Variants in OPTC observed in about 807,000 individuals in gnomAD.
The protein encoded by OPTC is oculoglycan.
Under a neutral mutation model 25.4 loss-of-function variants are expected in OPTC, and 22 were observed. The observed-to-expected ratio is 0.87, with a 90% CI of 0.62 to 1.24. The LOEUF (loss-of-function observed/expected upper bound fraction) is 1.24. Among genes scored for constraint, OPTC ranks in the 50% most tolerant of loss-of-function variants. The pLI is 0.00. For synonymous variants in OPTC, 169 were observed against 179.3 expected (o/e 0.94, Z 0.46); for missense variants, 417 against 425.2 (o/e 0.98, Z 0.17).
chr1:203,508,296 T>C (rs1661530674), intron 7 of OPTC, among the ~76,000 whole-genome samples: 2 of 152,026 alleles, frequency 1.3e-5, no homozygotes, highest in South Asian at 4.1e-4. Flanking sequence ...TCACCCAGGC[T>C]AGAAAAAGGG....
chr1:203,506,145 C>CT lies in OPTC; in HGVS notation c.*25+2406dup, dbSNP rs78639556. On this transcript the variant is annotated intron_variant, in intron 7 of 7. Coordinates refer to ENST00000367222, the MANE Select transcript of OPTC (RefSeq NM_014359.4). ...ATCCTGGATTGAGGAATCCAATTTT[C>CT]TTTTTTCTTTTTTTTTTTTTTTTGA... is the stretch of plus-strand genomic sequence containing the variant. Among the ~76,000 whole-genome samples the CT allele has an allele frequency of 4.3e-3, 383 of 89,440 alleles. 3 individuals are homozygous for CT. The highest frequency in any genetic ancestry group is 7.2e-3 in the East Asian group (25 of 3,452). 58.7% of individuals were successfully genotyped at this position (89,440 alleles called of 152,430 possible).
intron 7 of OPTC, among the ~76,000 whole-genome samples, chr1:203,505,420 A>G (rs780758856): frequency 2.1e-4 from 32 of 152,212 alleles, no homozygotes; most frequent in Admixed American, 1.2e-3. Flanking sequence ...TAGCCAGGCA[A>G]TGAGTTGCCA....
chr1:203,498,664 T>A lies in OPTC; in HGVS notation c.371-17T>A. ...GCTAAAGAGATCTCCCTTTGTTCTG[T>A]CTTCCACCTGGGCCAGGTCTGCCCA... On this transcript the variant is annotated splice_polypyrimidine_tract_variant and intron_variant, in intron 3 of 7. Transcript: ENST00000367222. 3.1e-6 allele frequency: 5 copies of A among 1,614,140 alleles called. No homozygotes were observed. The highest frequency in any genetic ancestry group is 4.2e-6 in the Non-Finnish European group (5 of 1,180,022).
In OPTC at chr1:203,495,922, C is replaced by T. The variant is rs1026588578; in HGVS notation, c.-41-43C>T. 6.8e-6 allele frequency: 6 copies of T among 885,014 alleles called. No individual in the cohort carries two copies. The African/African-American group carries it at 8.3e-5, about 12-fold the overall frequency. 54.8% of individuals were successfully genotyped at this position (885,014 alleles called of 1,614,324 possible). On this transcript the variant is annotated intron_variant, in intron 1 of 7. Coordinates refer to ENST00000367222, the MANE Select transcript of OPTC (RefSeq NM_014359.4). The stretch of plus-strand genomic sequence containing the variant: ...GCCATTCCCACAACACTCTGGAGAG[C>T]CTGTCCCTCAGATCGCTGCCCTTCC...
chr1:203,495,850 G>A (rs1237916897), intron 1 of OPTC, 115 bp from the exon 2 acceptor site: 3 of 675,402 alleles, frequency 4.4e-6, no homozygotes, highest in African/African-American at 1.8e-5. Context: ...TGTGATGAGA[G>A]CACTGAGTCT....
Position 203,499,733 on chromosome 1 carries a change from A to T in OPTC, c.614A>T (p.Asp205Val), listed in dbSNP as rs1232534179. ...DAFRLLHALQ[D>V]LILPENQLEA... Reference sequence around the variant, plus strand: ...TTCCGCCTGCTACATGCCCTCCAGGACCTCATCCTCCCAGAGAACCAGTTG... The same window carrying T: ...TTCCGCCTGCTACATGCCCTCCAGGTCCTCATCCTCCCAGAGAACCAGTTG... The change falls in exon 5 of 8, where the codon GAC (aspartate) becomes GTC (valine). Residue 205 changes from aspartate to valine, a missense_variant. Transcript: ENST00000367222. 1 of 1,613,140 alleles carries T rather than the reference A, an allele frequency of 6.2e-7. No homozygotes were observed. The highest frequency in any genetic ancestry group is 2.2e-5 in the East Asian group (1 of 44,884).
At chr1:203,498,071 A>G (rs559705560) in intron 3 of OPTC, among the ~76,000 whole-genome samples, 6 of 152,236 alleles carry the variant, frequency 3.9e-5, no homozygotes, top group Non-Finnish European at 5.9e-5. Flanking sequence ...AGTCTCCCCA[A>G]CTACTTGGGG....
chr1:203,501,361 G>A (rs370367591), intron 5 of OPTC, among the ~76,000 whole-genome samples: 10 of 152,120 alleles, frequency 6.6e-5, no homozygotes, highest in African/African-American at 1.9e-4. Context: ...TTGGCCTCCC[G>A]AAGAGCTGGG....
intron 7 of OPTC, among the ~76,000 whole-genome samples, chr1:203,507,247 C>T (rs1342645164): frequency 6.6e-6 from 1 of 152,130 alleles, no homozygotes; most frequent in East Asian, 1.9e-4. Context: ...CCTCTTTAGC[C>T]AGAGTGAGGC....
At chr1:203,503,493 T>C (rs984079601) in intron 6 of OPTC, 57 bp from the exon 7 acceptor site, 1 of 1,562,788 alleles carries the variant, frequency 6.4e-7, no homozygotes, top group Admixed American at 1.7e-5. Flanking sequence ...GAGCCTTTGG[T>C]GCTGCTTAAG....
chr1:203,503,813 A>G lies in OPTC; in HGVS notation c.*25+68A>G, dbSNP rs2279127. 80,995 of 1,374,288 alleles carry G rather than the reference A, an allele frequency of 0.059. 3,459 individuals carry two copies. Among genetic ancestry groups the G allele is most frequent in the East Asian group, 0.18 (8,022 of 43,616 alleles). 85.1% of individuals were successfully genotyped at this position (1,374,288 alleles called of 1,614,324 possible). On this transcript the variant is annotated intron_variant, in intron 7 of 7. Coordinates refer to ENST00000367222, the MANE Select transcript of OPTC (RefSeq NM_014359.4). The stretch of plus-strand genomic sequence containing the variant: ...ATAAAGCCCAATTCCTTATCTTTAA[A>G]CGGTGATCTTTAGCCCAGGCATTAA...
At chr1:203,498,256 C>G (rs994416417) in intron 3 of OPTC, among the ~76,000 whole-genome samples, 2 of 152,200 alleles carry the variant, frequency 1.3e-5, no homozygotes, top group Non-Finnish European at 2.9e-5. Context: ...TGGAGCCACA[C>G]AGAACATGTC....
Position 203,496,354 on chromosome 1 carries a change from G to A in OPTC, c.231+118G>A, listed in dbSNP as rs1012541947. On this transcript the variant is annotated intron_variant, in intron 2 of 7. Transcript: ENST00000367222. ...CAGCCTCCACCTCTTTCTCTGTGAG[G>A]TGGAAATTCTTATCCCTCCATAGGG... 24 of 746,082 alleles carry A rather than the reference G, an allele frequency of 3.2e-5. No individual in the cohort carries two copies. The South Asian group carries it at 3.2e-4, about 10-fold the overall frequency. The allele number at this position is 746,082 out of a possible 1,614,324, so 46.2% of individuals were successfully genotyped here.
intron 7 of OPTC, among the ~76,000 whole-genome samples, chr1:203,506,050 T>C (rs1201780625): frequency 6.6e-6 from 1 of 152,104 alleles, no homozygotes; most frequent in Non-Finnish European, 1.5e-5. Flanking sequence ...TTCCATATCC[T>C]GCTTTATTGG....
Position 203,497,018 on chromosome 1 carries a change from C to T in OPTC, c.273C>T (p.Pro91=), listed in dbSNP as rs536165537. The T allele has an allele frequency of 1.5e-5, 24 of 1,614,104 alleles. No individual in the cohort carries two copies. Among genetic ancestry groups the T allele is most frequent in the Middle Eastern group, 3.3e-4 (2 of 6,062 alleles). Reference sequence around the variant, plus strand: ...TCGCTCCTGCAACCAGCATCAGTCCCGCCAAGAGCACTACGGCTCCAGGGA... The same window carrying T: ...TCGCTCCTGCAACCAGCATCAGTCCTGCCAAGAGCACTACGGCTCCAGGGA... ...TSLAPATSIS[P]AKSTTAPGTP... Residue 91 remains proline, a synonymous_variant, in exon 3 of 8, where the codon CCC becomes CCT. Transcript: ENST00000367222.
In OPTC at chr1:203,503,100, G is replaced by A. The variant is rs143555543; in HGVS notation, c.828+91G>A. The A allele has an allele frequency of 1.0e-5, 10 of 982,108 alleles. No homozygotes were observed. In the African/African-American group the frequency reaches 1.3e-4, roughly 12 times the overall value. The allele number at this position is 982,108 out of a possible 1,614,324, so 60.8% of individuals were successfully genotyped here. A position where few individuals can be genotyped will look rare whatever the true frequency, so the allele number is the denominator to read the frequency against. On this transcript the variant is annotated intron_variant, in intron 6 of 7. Coordinates refer to ENST00000367222, the MANE Select transcript of OPTC (RefSeq NM_014359.4). ...CAGGTCGTGGCAGAGAGAGGCATGA[G>A]GCTTAGGCAGCTGTGGGGTCTCCTT...
At chr1:203,503,116 G>A (rs1247149480) in intron 6 of OPTC, 107 bp downstream of exon 6, 30 of 840,052 alleles carry the variant, frequency 3.6e-5, no homozygotes, top group Admixed American at 1.4e-4. Context: ...GGCAGCTGTG[G>A]GGTCTCCTTG....
intron 3 of OPTC, 93 bp downstream of exon 3, chr1:203,497,208 G>C (rs1661295433): frequency 6.9e-7 from 1 of 1,439,510 alleles, no homozygotes; most frequent in Non-Finnish European, 9.6e-7. Flanking sequence ...GAACGTGGTT[G>C]GGGTTGGGGC....
Position 203,498,546 on chromosome 1 carries a change from C to T in OPTC, c.371-135C>T, listed in dbSNP as rs144388825. Reference sequence around the variant, plus strand: ...ACAACAGCACCGTGTACATGGTGCCCGTCAGTTCTGGGCAGCAACCCATAG... The same window carrying T: ...ACAACAGCACCGTGTACATGGTGCCTGTCAGTTCTGGGCAGCAACCCATAG... On this transcript the variant is annotated intron_variant, in intron 3 of 7. Coordinates refer to ENST00000367222, the MANE Select transcript of OPTC (RefSeq NM_014359.4). The T allele has an allele frequency of 5.4e-3, 5,324 of 993,852 alleles. 26 individuals carry two copies. The highest frequency in any genetic ancestry group is 6.1e-3 in the Non-Finnish European group (3,832 of 630,356). The allele number at this position is 993,852 out of a possible 1,614,324, so 61.6% of individuals were successfully genotyped here.
Sources: gnomAD v4.1 joint callset for allele counts (sites outside exome capture counted in the v4.1 genomes callset) on GRCh38, gnomAD v4.1.1 for gene constraint, MANE v1.5 for transcripts, NCBI Gene and HGNC (gene_info 2026-07-23, HGNC 2026-07-21) for gene names.